Variants in NAPG observed in about 807,000 individuals in gnomAD.
NAPG encodes the protein gamma-soluble NSF attachment protein.
In NAPG, 25 loss-of-function variants were observed where a neutral mutation model predicts 48.4. The observed-to-expected ratio is 0.52, with a 90% CI of 0.38 to 0.72. NAPG has a LOEUF of 0.72. Ranked by LOEUF, NAPG falls within the 30% of genes least tolerant of loss-of-function variation. The pLI, the probability that NAPG is intolerant of heterozygous loss-of-function variation, is 0.00. For synonymous variants in NAPG, 139 were observed against 127.2 expected (o/e 1.09, Z -0.62); for missense variants, 359 against 372.5 (o/e 0.96, Z 0.30).
At position 10,548,020 on chromosome 18, in the gene NAPG, C is replaced by G. The variant is rs1354823827; in HGVS notation, c.586-279C>G. On this transcript the variant is annotated intron_variant, in intron 9 of 11. Transcript: ENST00000322897. The surrounding 1 kb of genome is among the most constrained non-coding windows in gnomAD (Gnocchi z 4.4). ...TCTAAGGCTTGTGTCAAAGTGCGGT[C>G]CCCAGACCAGCAGCAGGAGTGCCCC... Among the ~76,000 whole-genome samples the G allele has an allele frequency of 6.6e-6, 1 of 152,230 alleles. No individual in the cohort carries two copies.
chr18:10,526,238 G>A lies in NAPG; in HGVS notation c.56+80G>A, dbSNP rs1055923342. ...GGCGCGGCCTTAGCACCCGGGGGGG[G>A]CGGGAGGGAGGGCTCAGGGCTGAGG... On this transcript the variant is annotated intron_variant, in intron 1 of 11. Transcript: ENST00000322897. 3 of 857,996 alleles carry A rather than the reference G, an allele frequency of 3.5e-6. No homozygotes were observed. In the African/African-American group the frequency reaches 5.1e-5, roughly 14 times the overall value. 53.1% of individuals were successfully genotyped at this position (857,996 alleles called of 1,614,324 possible).
chr18:10,526,244 GGGA>G, intron 1 of NAPG, 86 bp downstream of exon 1: 2 of 768,744 alleles, frequency 2.6e-6, no homozygotes, highest in East Asian at 3.7e-5. Context: ...GGGGGCGGGA[GGGA>G]GGGCTCAGGG....
chr18:10,531,041 GCTGT>G (rs2031918022), intron 2 of NAPG, among the ~76,000 whole-genome samples: 1 of 152,144 alleles, frequency 6.6e-6, no homozygotes, highest in African/African-American at 2.4e-5. Flanking sequence ...CCTGGTACCT[GCTGT>G]CTATGACAGC....
chr18:10,528,944 G>A (rs1314406324), intron 1 of NAPG, among the ~76,000 whole-genome samples: 1 of 152,188 alleles, frequency 6.6e-6, no homozygotes, highest in Non-Finnish European at 1.5e-5. Context: ...TTTGTAAATT[G>A]ATCCCCACAC....
rs774017115 is a variant in NAPG at position 10,544,394 on chromosome 18, G to A, written c.507-1932G>A. Among the ~76,000 whole-genome samples the A allele has an allele frequency of 9.2e-5, 14 of 152,190 alleles. No homozygotes were observed. The highest frequency in any genetic ancestry group is 4.6e-4 in the Admixed American group (7 of 15,278). The stretch of plus-strand genomic sequence containing the variant: ...GGGGCTGATCTCACCGGAGGCTTGG[G>A]TCCTTTTCCAAGCTCATTGATTGTT... On this transcript the variant is annotated intron_variant, in intron 8 of 11. Transcript: ENST00000322897. This position sits in a 1 kb window ranked among gnomAD's most constrained non-coding sequence, Gnocchi z 5.1.
intron 2 of NAPG, 65 bp downstream of exon 2, chr18:10,530,902 C>A: frequency 8.2e-7 from 1 of 1,217,056 alleles, no homozygotes; most frequent in Non-Finnish European, 1.1e-6. Flanking sequence ...AACTTCATTT[C>A]ACCATAATAC....
At chr18:10,541,358 C>T (rs377427936) in intron 8 of NAPG, among the ~76,000 whole-genome samples, 3 of 152,092 alleles carry the variant, frequency 2.0e-5, no homozygotes, top group South Asian at 4.2e-4. Context: ...AATGTCAGTC[C>T]GGGGTCATTA....
At chr18:10,532,343 G>A (rs376290871) in intron 2 of NAPG, among the ~76,000 whole-genome samples, 24 of 152,190 alleles carry the variant, frequency 1.6e-4, no homozygotes, top group African/African-American at 5.3e-4. Context: ...CCAAAATACC[G>A]TTTAAAGGTA....
chr18:10,533,892 G>T (rs1453888686), intron 4 of NAPG, among the ~76,000 whole-genome samples: 1 of 152,156 alleles, frequency 6.6e-6, no homozygotes, highest in Non-Finnish European at 1.5e-5. Flanking sequence ...GCCTTGTGGA[G>T]AGTAGTTATT....
At chr18:10,526,239 C>CCTTTACCCCCGGGGGGGGGG in intron 1 of NAPG, 81 bp downstream of exon 1, 2 of 349,040 alleles carry the variant, frequency 5.7e-6, no homozygotes, top group Non-Finnish European at 1.2e-5. Context: ...CCGGGGGGGG[C>CCTTTACCCCCGGGGGGGGGG]GGGAGGGAGG....
rs1401890488 is a variant in NAPG, at chr18:10,548,388, T to C, written c.665+10T>C. On this transcript the variant is annotated intron_variant, in intron 10 of 11. Transcript: ENST00000322897. The surrounding 1 kb of genome is among the most constrained non-coding windows in gnomAD (Gnocchi z 4.4). ...TCCGGGAGAGCTATAGGTAAGACGT[T>C]GTCTGGGCCCTCTTGACTTGCAGTG... 6.2e-7 allele frequency: 1 copy of C among 1,609,296 alleles called. No individual in the cohort carries two copies. The highest frequency in any genetic ancestry group is 8.5e-7 in the Non-Finnish European group (1 of 1,175,760).
In NAPG at chr18:10,532,776, G is replaced by T; in HGVS notation, c.190G>T (p.Ala64Ser). Residue 64 changes from alanine (A) to serine (S), a missense_variant, in exon 3 of 12, where the codon GCC becomes TCC. Coordinates refer to ENST00000322897, the MANE Select transcript of NAPG (RefSeq NM_003826.3). ...AGATGCCTGCCTGAGGGAAGCTGTT[G>T]CCCATGAAAATAATAGGGCGTATCT... ...AKDACLREAV[A>S]HENNRALFHA... is the part of the protein sequence containing the mutation. 1 of 1,585,612 alleles carries T rather than the reference G, an allele frequency of 6.3e-7. No homozygotes were observed. The highest frequency in any genetic ancestry group is 1.7e-5 in the Admixed American group (1 of 57,148).
intron 1 of NAPG, 101 bp from the exon 2 acceptor site, chr18:10,530,667 CTT>C (rs71169932): frequency 0.072 from 33,935 of 471,870 alleles, 4 homozygotes; most frequent in East Asian, 0.11. Flanking sequence ...ATGGTTTCTC[CTT>C]TTTTTTTTTT....
chr18:10,530,701 A>T, intron 1 of NAPG, 69 bp from the exon 2 acceptor site: 1 of 957,518 alleles, frequency 1.0e-6, no homozygotes, highest in South Asian at 2.7e-5. Flanking sequence ...CTAGAAGGTC[A>T]TTACAAGCAG....
intron 11 of NAPG, among the ~76,000 whole-genome samples, chr18:10,549,587 A>G (rs974614554): frequency 5.3e-5 from 8 of 152,234 alleles, no homozygotes; most frequent in African/African-American, 1.9e-4. Context: ...GACTGTTGTG[A>G]AGAATACATT....
intron 3 of NAPG, chr18:10,533,148 C>T: frequency 1.2e-5 from 3 of 253,830 alleles, no homozygotes; most frequent in Non-Finnish European, 2.2e-5. Flanking sequence ...TTTTTAAATA[C>T]AGTTTTCCTT....
At chr18:10,540,198 T>C (rs1343377187) in intron 7 of NAPG, 131 bp from the exon 8 acceptor site, 4 of 1,044,228 alleles carry the variant, frequency 3.8e-6, no homozygotes, top group Admixed American at 2.4e-5. Flanking sequence ...TAGAGAGTAG[T>C]GAAATGAACT....
In NAPG at chr18:10,550,215, T is replaced by C; in HGVS notation, c.934T>C (p.Cys312Arg). The C allele has an allele frequency of 6.4e-7, 1 of 1,573,576 alleles. No individual in the cohort carries two copies. Among genetic ancestry groups the C allele is most frequent in the Non-Finnish European group, 8.6e-7 (1 of 1,164,124 alleles). ...GGAAGATGAATACTCAGGAGGACTATGCTAGTATTTTGCTTGCTGAAAAGA... is the reference window on the plus strand; with the variant it reads ...GGAAGATGAATACTCAGGAGGACTACGCTAGTATTTTGCTTGCTGAAAAGA... ...EEEDEYSGGL[C>R] The change falls in exon 12 of 12, where the codon TGC (cysteine) becomes CGC (arginine). Residue 312 changes from cysteine to arginine, a missense_variant. Coordinates refer to ENST00000322897, the MANE Select transcript of NAPG (RefSeq NM_003826.3).
chr18:10,546,329 T>G lies in NAPG; in HGVS notation c.510T>G (p.Phe170Leu). The change falls in exon 9 of 12, where the codon TTT becomes TTG. Residue 170 changes from phenylalanine to leucine, a missense_variant. By Grantham distance (22) the Phe-to-Leu change is conservative (BLOSUM62 0). Coordinates refer to ENST00000322897, the MANE Select transcript of NAPG (RefSeq NM_003826.3). This position sits in a 1 kb window ranked among gnomAD's most constrained non-coding sequence, Gnocchi z 4.0. The stretch of plus-strand genomic sequence containing the variant: ...ACATTTCTGTGTTTTGTTTTAGGTT[T>G]GATGAGGCGGCACTCTCTATTCAGA... Reference protein sequence around the residue: ...ASRLLVRGRRFDEAALSIQKE... With the variant: ...ASRLLVRGRRLDEAALSIQKE... 6.4e-7 allele frequency: 1 copy of G among 1,572,612 alleles called. No individual in the cohort carries two copies. The highest frequency in any genetic ancestry group is 8.6e-7 in the Non-Finnish European group (1 of 1,156,070).
Sources: gnomAD v4.1 joint callset for allele counts (sites outside exome capture counted in the v4.1 genomes callset) on GRCh38, gnomAD v4.1.1 for gene constraint, Gnocchi (gnomAD v3.1) non-coding constraint, MANE v1.5 for transcripts, NCBI Gene and HGNC (gene_info 2026-07-23, HGNC 2026-07-21) for gene names.